KCNK17: variants seen among roughly 807,000 people sequenced by gnomAD.
The protein encoded by KCNK17 is potassium channel subfamily K member 17.
A neutral mutation model predicts 24.6 loss-of-function variants in KCNK17; 27 were observed. The ratio of observed to expected loss-of-function variants is 1.10; its 90% CI spans 0.81 to 1.51. The LOEUF is 1.51. Among genes scored for constraint, KCNK17 ranks in the 40% most tolerant of loss-of-function variants. The pLI is 0.00. For missense variants in KCNK17, 450 were observed against 436.6 expected (o/e 1.03, Z -0.27); for synonymous variants, 181 against 189.8 (o/e 0.95, Z 0.38).
chr6:39,300,369 C>T, intron 4 of KCNK17: 1 of 940,300 alleles, frequency 1.1e-6, no homozygotes, highest in Admixed American at 2.0e-5. Context: ...GGCAATCCAC[C>T]TACCTCGGCC....
chr6:39,313,141 C>G (rs1394123192), intron 1 of KCNK17, among the ~76,000 whole-genome samples: 1 of 152,222 alleles, frequency 6.6e-6, no homozygotes, highest in Non-Finnish European at 1.5e-5. Flanking sequence ...AAGCCAGGAC[C>G]CAGGACATCA....
intron 4 of KCNK17, among the ~76,000 whole-genome samples, chr6:39,303,165 G>C (rs1341231026): frequency 1.3e-5 from 2 of 152,204 alleles, no homozygotes; most frequent in Non-Finnish European, 2.9e-5. Context: ...TTCCAGGCTG[G>C]GTTCTGTCGC....
intron 2 of KCNK17, among the ~76,000 whole-genome samples, chr6:39,306,616 C>T (rs1394945450): frequency 6.6e-6 from 1 of 152,152 alleles, no homozygotes; most frequent in Non-Finnish European, 1.5e-5. Flanking sequence ...CATCCACCCC[C>T]ACCTTACTGA....
chr6:39,311,047 T>G (rs1583772243), intron 1 of KCNK17, 40 bp from the exon 2 acceptor site: 1 of 1,292,322 alleles, frequency 7.7e-7, no homozygotes, highest in Admixed American at 1.9e-5. Context: ...CTCTGTGGGG[T>G]GATGGATTTC....
intron 4 of KCNK17, among the ~76,000 whole-genome samples, chr6:39,301,158 TGG>T (rs1041980597): frequency 1.3e-5 from 2 of 152,204 alleles, no homozygotes; most frequent in African/African-American, 4.8e-5. Context: ...AGGGGACTGA[TGG>T]GAGCTGCTGT....
chr6:39,304,965 C>T (rs1762010868), intron 2 of KCNK17, among the ~76,000 whole-genome samples: 1 of 152,348 alleles, frequency 6.6e-6, no homozygotes, highest in Admixed American at 6.5e-5. Flanking sequence ...TGTGAGTCTC[C>T]TCTTCCTCTC....
Position 39,310,919 on chromosome 6 carries a change from A to T in KCNK17, c.326T>A (p.Phe109Tyr). 2 of 1,584,628 alleles carry T rather than the reference A, an allele frequency of 1.3e-6. No homozygotes were observed. The highest frequency in any genetic ancestry group is 8.6e-7 in the Non-Finnish European group (1 of 1,157,428). ...GRWELVGSFF[F>Y]SVSTITTIGY... Reference sequence around the variant, plus strand: ...AATGGTGGTGATGGTGGACACAGAAAAGAAGAAGGAGCCCACGAGCTCCCA... The same window carrying T: ...AATGGTGGTGATGGTGGACACAGAATAGAAGAAGGAGCCCACGAGCTCCCA... The change falls in exon 2 of 5, where the codon TTT (phenylalanine) becomes TAT (tyrosine). Residue 109 changes from phenylalanine to tyrosine, a missense_variant. By Grantham distance (22) the Phe-to-Tyr change is conservative. Transcript: ENST00000373231.
At chr6:39,311,068 A>G in intron 1 of KCNK17, 61 bp from the exon 2 acceptor site, 2 of 754,910 alleles carry the variant, frequency 2.6e-6, no homozygotes, top group Non-Finnish European at 4.6e-6. Context: ...CTGTACCCCA[A>G]GATGCACACA....
chr6:39,300,488 TGTTTG>T (rs1761934467), intron 4 of KCNK17: 1 of 1,550,974 alleles, frequency 6.4e-7, no homozygotes, highest in Non-Finnish European at 8.7e-7. Context: ...TGCCAGTCTC[TGTTTG>T]GTTTTCTCGT....
At chr6:39,301,422 G>A (rs1460077591) in intron 4 of KCNK17, among the ~76,000 whole-genome samples, 1 of 152,224 alleles carries the variant, frequency 6.6e-6, no homozygotes, top group Non-Finnish European at 1.5e-5. Context: ...ACCCCCACAT[G>A]GGGATGAGGC....
intron 3 of KCNK17, 115 bp downstream of exon 3, chr6:39,304,380 C>T: frequency 2.0e-6 from 2 of 1,006,094 alleles, no homozygotes; most frequent in Non-Finnish European, 3.0e-6. Context: ...CCAATCCCAA[C>T]ACAACCTCAC....
intron 2 of KCNK17, among the ~76,000 whole-genome samples, chr6:39,307,506 A>G (rs2758912): frequency 0.56 from 85,822 of 151,966 alleles, 25,326 homozygotes; most frequent in African/African-American, 0.74. Flanking sequence ...AAGTTCCATC[A>G]TCTGGTACTG....
At chr6:39,300,260 C>G in intron 4 of KCNK17, 1 of 553,876 alleles carries the variant, frequency 1.8e-6, no homozygotes, top group Non-Finnish European at 3.3e-6. Context: ...GTAGCCGGGA[C>G]TACAGGCGCC....
At chr6:39,305,728 C>T (rs545526415) in intron 2 of KCNK17, among the ~76,000 whole-genome samples, 1 of 152,188 alleles carries the variant, frequency 6.6e-6, no homozygotes, top group Non-Finnish European at 1.5e-5. Flanking sequence ...AGCTCTTGCC[C>T]AGCCTTTCTC....
chr6:39,307,744 C>T (rs1463888025), intron 2 of KCNK17, among the ~76,000 whole-genome samples: 2 of 152,218 alleles, frequency 1.3e-5, no homozygotes, highest in Admixed American at 1.3e-4. Context: ...AGCATGTCTC[C>T]TCACTGCCAC....
In KCNK17 at chr6:39,299,364, A is replaced by G; in HGVS notation, c.*63T>C. On this transcript the variant is annotated 3_prime_UTR_variant, in exon 5 of 5. Coordinates refer to ENST00000373231, the MANE Select transcript of KCNK17 (RefSeq NM_031460.4). ...AATGTAGTCTTTAGTTTGGGTGGAC[A>G]TGTGCAAAGCTTAAAATCAGGGGTC... 1 of 1,285,882 alleles carries G rather than the reference A, an allele frequency of 7.8e-7. No individual in the cohort carries two copies. The highest frequency in any genetic ancestry group is 1.1e-6 in the Non-Finnish European group (1 of 916,774). The allele number at this position is 1,285,882 out of a possible 1,614,324, so 79.7% of individuals were successfully genotyped here.
rs748410985 is a variant in KCNK17, at chr6:39,300,383, C to A, written c.689-646G>T. 170 of 1,131,948 alleles carry A rather than the reference C, an allele frequency of 1.5e-4. 1 individual carries two copies. Among genetic ancestry groups the A allele is most frequent in the Admixed American group, 3.8e-4 (19 of 50,410 alleles). The allele number at this position is 1,131,948 out of a possible 1,614,324, so 70.1% of individuals were successfully genotyped here. A position where few individuals can be genotyped will look rare whatever the true frequency, so the allele number is the denominator to read the frequency against. ...AGGCAATCCACCTACCTCGGCCTCC[C>A]AAAGTGTTAGAATTACAGGTGTGAG... On this transcript the variant is annotated intron_variant, in intron 4 of 4. Coordinates refer to ENST00000373231, the MANE Select transcript of KCNK17 (RefSeq NM_031460.4).
chr6:39,300,669 C>T (rs1195414814), intron 4 of KCNK17: 1 of 728,620 alleles, frequency 1.4e-6, no homozygotes, highest in Admixed American at 2.2e-5. Flanking sequence ...AAGTCCAAAT[C>T]CTCAAGGCCC....
chr6:39,300,464 TC>T lies in KCNK17; in HGVS notation c.689-728del, dbSNP rs1288790132. ...AACAAGCCCCCAGAGGATTTCGATGTCCGCTCTAGTGTTTGCCAGTCTCTGT... is the reference window on the plus strand; with the variant it reads ...AACAAGCCCCCAGAGGATTTCGATGTCGCTCTAGTGTTTGCCAGTCTCTGT... On this transcript the variant is annotated intron_variant, in intron 4 of 4. Coordinates refer to ENST00000373231, the MANE Select transcript of KCNK17 (RefSeq NM_031460.4). The T allele has an allele frequency of 1.9e-6, 3 of 1,548,528 alleles. No individual in the cohort carries two copies. The Admixed American group carries it at 5.9e-5, about 30-fold the overall frequency.
Sources: gnomAD v4.1 joint callset for allele counts (sites outside exome capture counted in the v4.1 genomes callset) on GRCh38, gnomAD v4.1.1 for gene constraint, MANE v1.5 for transcripts, NCBI Gene and HGNC (gene_info 2026-07-23, HGNC 2026-07-21) for gene names.